The following PCDH11X variants were observed in gnomAD, a reference collection of about 807,000 sequenced individuals.
PCDH11X encodes protocadherin-11 X-linked.
Under a neutral mutation model 53.3 loss-of-function variants are expected in PCDH11X, and 18 were observed. The observed-to-expected ratio is 0.34, with a 90% confidence interval of 0.23 to 0.50. PCDH11X has a LOEUF of 0.50. Ranked by LOEUF, PCDH11X falls within the 20% of genes least tolerant of loss-of-function variation. PCDH11X has a pLI of 0.98. For synonymous variants in PCDH11X, 279 were observed against 393.3 expected, an observed-to-expected ratio of 0.71 and a Z score of 3.44; for missense variants, 570 against 1,032.4, an observed-to-expected ratio of 0.55 and a Z score of 6.14.
intron 5 of PCDH11X, among the ~76,000 whole-genome samples, chrX:91,850,265 A>C (rs2147657236): frequency 1.8e-5 from 2 of 110,000 alleles, no homozygotes; most frequent in Non-Finnish European, 3.8e-5. Flanking sequence ...GGTGTCACAA[A>C]CCTCAGTGTA....
chrX:92,212,975 T>C (rs1164422117), intron 7 of PCDH11X, among the ~76,000 whole-genome samples: 1 of 112,198 alleles, frequency 8.9e-6, no homozygotes, highest in Non-Finnish European at 1.9e-5. Flanking sequence ...CTAACTATTA[T>C]CATGGAAAGA....
At chrX:92,178,453 C>T (rs1302933353) in intron 6 of PCDH11X, among the ~76,000 whole-genome samples, 3 of 111,832 alleles carry the variant, frequency 2.7e-5, no homozygotes, top group Non-Finnish European at 5.7e-5. Flanking sequence ...AAAACACTGG[C>T]CTAATGGCAT....
At chrX:92,563,170 C>A (rs1921021613) in intron 10 of PCDH11X, among the ~76,000 whole-genome samples, 1 of 98,546 alleles carries the variant, frequency 1.0e-5, no homozygotes, top group African/African-American at 3.8e-5. Context: ...ATGATGCTGG[C>A]ATATGCTCAG....
intron 6 of PCDH11X, among the ~76,000 whole-genome samples, chrX:92,076,895 T>G (rs767913863): frequency 3.6e-4 from 41 of 112,358 alleles, no homozygotes; most frequent in African/African-American, 1.2e-3. Flanking sequence ...AGACCTAGCA[T>G]GCTGGAAGTG....
intron 10 of PCDH11X, among the ~76,000 whole-genome samples, chrX:92,506,388 C>T (rs2074062291): frequency 9.9e-6 from 1 of 100,677 alleles, no homozygotes; most frequent in African/African-American, 3.6e-5. Flanking sequence ...ATAGATGGCT[C>T]TTATTATTTT....
intron 6 of PCDH11X, among the ~76,000 whole-genome samples, chrX:91,944,023 T>TTGTG (rs755497548): frequency 0.025 from 1,569 of 63,717 alleles, 47 homozygotes; most frequent in East Asian, 0.13. Context: ...ATCTCCTGGA[T>TTGTG]TGTGTGTGTG....
At chrX:92,414,375 G>A (rs200909766) in intron 9 of PCDH11X, among the ~76,000 whole-genome samples, 41,839 of 83,220 alleles carry the variant, frequency 0.5, 10,736 homozygotes, top group East Asian at 0.73. Flanking sequence ...AAATGTTTAA[G>A]TACTACTACT....
intron 5 of PCDH11X, among the ~76,000 whole-genome samples, chrX:91,870,328 G>A (rs1450737492): frequency 3.6e-5 from 4 of 110,984 alleles, no homozygotes; most frequent in East Asian, 5.6e-4. Context: ...GTGAACACAA[G>A]GCCAGAAAAA....
intron 6 of PCDH11X, among the ~76,000 whole-genome samples, chrX:91,976,179 A>T (rs2062044011): frequency 9.0e-6 from 1 of 111,404 alleles, no homozygotes; most frequent in African/African-American, 3.3e-5. Flanking sequence ...CACCCTTCTG[A>T]GTAGCTGGGA....
chrX:92,555,038 G>A (rs2075025349), intron 10 of PCDH11X, among the ~76,000 whole-genome samples: 1 of 111,666 alleles, frequency 9.0e-6, no homozygotes, highest in Non-Finnish European at 1.9e-5. Flanking sequence ...CTGAGTAGCA[G>A]GGTTTCGCGA....
intron 8 of PCDH11X, among the ~76,000 whole-genome samples, chrX:92,364,493 C>T (rs939334598): frequency 5.4e-5 from 6 of 110,698 alleles, no homozygotes; most frequent in Admixed American, 2.9e-4. Context: ...CTGGAAGTTG[C>T]TCTGGATGAG....
chrX:92,126,737 G>A (rs1602997466), intron 6 of PCDH11X, among the ~76,000 whole-genome samples: 1 of 106,359 alleles, frequency 9.4e-6, no homozygotes, highest in African/African-American at 3.4e-5. Context: ...GTGTGTGTGT[G>A]TATTAGATTG....
intron 6 of PCDH11X, among the ~76,000 whole-genome samples, chrX:92,190,769 G>T (rs2066179341): frequency 9.0e-6 from 1 of 111,470 alleles, no homozygotes. Context: ...ATTTCTCTCA[G>T]AAATATAGAT....
chrX:92,232,162 A>T (rs752245857), intron 7 of PCDH11X, among the ~76,000 whole-genome samples: 1 of 111,997 alleles, frequency 8.9e-6, no homozygotes, highest in Non-Finnish European at 1.9e-5. Context: ...TTTGATAAAA[A>T]GTTTCTCTGT....
chrX:92,218,478 C>T (rs1475825622), intron 7 of PCDH11X, among the ~76,000 whole-genome samples: 3 of 110,560 alleles, frequency 2.7e-5, no homozygotes, highest in Non-Finnish European at 3.8e-5. Flanking sequence ...ATACATACAC[C>T]CTCCCAAGAC....
At chrX:92,066,563 A>G (rs982750329) in intron 6 of PCDH11X, among the ~76,000 whole-genome samples, 1 of 110,518 alleles carries the variant, frequency 9.0e-6, no homozygotes, top group Non-Finnish European at 1.9e-5. Flanking sequence ...TCTTTGGATA[A>G]GTTAATTCCT....
intron 10 of PCDH11X, among the ~76,000 whole-genome samples, chrX:92,496,822 A>G (rs1482684864): frequency 1.8e-5 from 2 of 108,377 alleles, no homozygotes; most frequent in East Asian, 5.8e-4. Context: ...ATGCCTTTGC[A>G]GTACCCTCAC....
At chrX:91,897,379 C>G (rs187260498) in intron 6 of PCDH11X, among the ~76,000 whole-genome samples, 148 of 108,275 alleles carry the variant, frequency 1.4e-3, no homozygotes, top group African/African-American at 4.9e-3. Flanking sequence ...ATCACCAAAT[C>G]TAAGTGTAAA....
At chrX:92,007,376 G>A (rs933516974) in intron 6 of PCDH11X, among the ~76,000 whole-genome samples, 10 of 111,379 alleles carry the variant, frequency 9.0e-5, no homozygotes, top group African/African-American at 2.0e-4. Context: ...GGAGCCTCTC[G>A]CCATAGCCAC....
Sources: gnomAD v4.1 joint callset for allele counts (sites outside exome capture counted in the v4.1 genomes callset) on GRCh38, gnomAD v4.1.1 for gene constraint, MANE v1.5 for transcripts, NCBI Gene and HGNC (gene_info 2026-07-23, HGNC 2026-07-21) for gene names.